The following USP48 variants were observed in gnomAD, a reference collection of about 807,000 sequenced individuals.
The protein encoded by USP48 is ubiquitin specific peptidase 48.
In USP48, 43 loss-of-function variants were observed where a neutral mutation model predicts 150.7. That is an observed-to-expected ratio of 0.29 (90% CI 0.22 to 0.37). USP48 has a LOEUF of 0.37. Among genes scored for constraint, USP48 ranks in the 10% least tolerant of loss-of-function variants. The pLI, the probability that USP48 is intolerant of heterozygous loss-of-function variation, is 1.00. For missense variants in USP48, 813 were observed against 1,249.6 expected, an observed-to-expected ratio of 0.65 and a Z score of 5.27; for synonymous variants, 396 against 425.9, an observed-to-expected ratio of 0.93 and a Z score of 0.86.
intron 25 of USP48, among the ~76,000 whole-genome samples, chr1:21,683,791 A>G (rs371498513): frequency 6.6e-6 from 1 of 152,136 alleles, no homozygotes; most frequent in Admixed American, 6.5e-5. Context: ...ACCTCCCTTC[A>G]TATGGCCCCT....
At chr1:21,715,250 C>A in intron 15 of USP48, 139 bp downstream of exon 15, 2 of 558,298 alleles carry the variant, frequency 3.6e-6, no homozygotes, top group South Asian at 2.4e-5. Context: ...CAATGATTTC[C>A]TCTAAATATG....
chr1:21,699,570 G>A (rs1214836784), intron 22 of USP48, among the ~76,000 whole-genome samples: 1 of 151,268 alleles, frequency 6.6e-6, no homozygotes, highest in Non-Finnish European at 1.5e-5. Flanking sequence ...CTGGAGTGCA[G>A]TGGCGTGATC....
intron 1 of USP48, 139 bp downstream of exon 1, chr1:21,782,685 A>C (rs1432056900): frequency 7.6e-7 from 1 of 1,317,816 alleles, no homozygotes; most frequent in Non-Finnish European, 9.9e-7. Flanking sequence ...CAGACGGCGC[A>C]AAGGGGGAAA....
intron 13 of USP48, 114 bp downstream of exon 13, chr1:21,721,536 C>T: frequency 1.3e-6 from 1 of 754,166 alleles, no homozygotes. Context: ...TCCACTTTAT[C>T]ACCCTTCTTC....
chr1:21,717,260 T>A (rs2097707123), intron 14 of USP48, among the ~76,000 whole-genome samples: 1 of 150,652 alleles, frequency 6.6e-6, no homozygotes, highest in Non-Finnish European at 1.5e-5. Context: ...AAAAATTATC[T>A]GGGCGTGGTG....
intron 24 of USP48, among the ~76,000 whole-genome samples, chr1:21,687,964 T>A (rs1226959645): frequency 6.6e-6 from 1 of 152,016 alleles, no homozygotes; most frequent in Non-Finnish European, 1.5e-5. Context: ...TGTGCATGGA[T>A]GGGGTAGATA....
At chr1:21,732,652 C>A in intron 9 of USP48, 1 of 344,608 alleles carries the variant, frequency 2.9e-6, no homozygotes, top group Non-Finnish European at 5.6e-6. Context: ...TTTACAGTCA[C>A]AAAAAACTTA....
intron 25 of USP48, among the ~76,000 whole-genome samples, chr1:21,681,596 C>T (rs910816293): frequency 6.6e-6 from 1 of 152,108 alleles, no homozygotes; most frequent in African/African-American, 2.4e-5. Flanking sequence ...CTAATAAATT[C>T]TTCAGTGAAG....
intron 23 of USP48, among the ~76,000 whole-genome samples, chr1:21,694,040 A>G (rs187419165): frequency 9.5e-4 from 144 of 152,308 alleles, no homozygotes; most frequent in Middle Eastern, 3.4e-3. Flanking sequence ...TTTTATGGAC[A>G]TCTTGAATTT....
intron 6 of USP48, among the ~76,000 whole-genome samples, chr1:21,749,091 T>G (rs1226814194): frequency 6.6e-6 from 1 of 152,258 alleles, no homozygotes; most frequent in Non-Finnish European, 1.5e-5. Flanking sequence ...TTTTAAAATT[T>G]GCCTTTATAT....
chr1:21,714,336 C>T (rs1350344967), intron 15 of USP48, among the ~76,000 whole-genome samples: 1 of 152,116 alleles, frequency 6.6e-6, no homozygotes, highest in Admixed American at 6.5e-5. Flanking sequence ...AGTGCAGCGT[C>T]GTGATCATAG....
intron 8 of USP48, among the ~76,000 whole-genome samples, chr1:21,740,568 C>A (rs2097779278): frequency 6.6e-6 from 1 of 152,132 alleles, no homozygotes; most frequent in African/African-American, 2.4e-5. Context: ...AGAAAAACCC[C>A]AAGCCAAGAG....
In USP48 at chr1:21,706,855, T is replaced by A. The variant is rs1201613488; in HGVS notation, c.1977A>T (p.Ile659=). Residue 659 remains isoleucine (I), a synonymous_variant, in exon 16 of 27, where the codon ATA becomes ATT. Coordinates refer to ENST00000308271, the MANE Select transcript of USP48 (RefSeq NM_032236.8). ...AAACAAGCCTTCTTTCATTTTCAGA[T>A]ATGCATAACTCACCTGAGTTTAAAA... ...DILCPHGELC[I]SENERRLVSK... The A allele has an allele frequency of 1.2e-6, 2 of 1,609,330 alleles. No individual in the cohort carries two copies. Among genetic ancestry groups the A allele is most frequent in the Non-Finnish European group, 1.7e-6 (2 of 1,178,478 alleles).
intron 1 of USP48, among the ~76,000 whole-genome samples, chr1:21,778,672 G>T (rs889937557): frequency 6.7e-6 from 1 of 150,068 alleles, no homozygotes; most frequent in African/African-American, 2.5e-5. Context: ...AAGCATTTCA[G>T]GGGGCCAAGG....
At position 21,757,784 on chromosome 1, in the gene USP48, C is replaced by A; in HGVS notation, c.135-1G>T. Reference sequence around the variant, plus strand: ...ATTCGGATTTCCTTTGCAGTTTCGTCTAAGGGGAAAAAAAAAACCTTTAAT... The same window carrying A: ...ATTCGGATTTCCTTTGCAGTTTCGTATAAGGGGAAAAAAAAAACCTTTAAT... On this transcript the variant is annotated splice_acceptor_variant, in intron 1 of 26. Transcript: ENST00000308271. LOFTEE classifies it high-confidence loss of function. 6.3e-7 allele frequency: 1 copy of A among 1,576,264 alleles called. No homozygotes were observed. The highest frequency in any genetic ancestry group is 8.6e-7 in the Non-Finnish European group (1 of 1,168,270).
At chr1:21,745,497 G>A (rs949537502) in intron 8 of USP48, among the ~76,000 whole-genome samples, 2 of 152,042 alleles carry the variant, frequency 1.3e-5, no homozygotes, top group Non-Finnish European at 2.9e-5. Flanking sequence ...GGCTGAGTCC[G>A]TGATGAGCCG....
At chr1:21,704,170 T>C in intron 20 of USP48, 92 bp downstream of exon 20, 1 of 1,470,398 alleles carries the variant, frequency 6.8e-7, no homozygotes, top group Non-Finnish European at 9.1e-7. Flanking sequence ...CGCCGCATGA[T>C]CTTTAACTTT....
intron 1 of USP48, among the ~76,000 whole-genome samples, chr1:21,762,437 T>C (rs2097852090): frequency 1.3e-5 from 2 of 152,176 alleles, no homozygotes; most frequent in Admixed American, 1.3e-4. Flanking sequence ...AAAAATAGTG[T>C]CAGTAACCAT....
chr1:21,704,142 C>A, intron 20 of USP48, 120 bp downstream of exon 20: 1 of 1,124,028 alleles, frequency 8.9e-7, no homozygotes, highest in East Asian at 2.4e-5. Flanking sequence ...TGAGAGTTTC[C>A]ACCTAGGGAG....
Sources: gnomAD v4.1 joint callset for allele counts (sites outside exome capture counted in the v4.1 genomes callset) on GRCh38, gnomAD v4.1.1 for gene constraint, MANE v1.5 for transcripts, NCBI Gene and HGNC (gene_info 2026-07-23, HGNC 2026-07-21) for gene names.